Variants in RLN2 observed in about 807,000 individuals in gnomAD.
RLN2 encodes the protein relaxin 2, also known as prorelaxin H2.
A neutral mutation model predicts 7.3 loss-of-function variants in RLN2; 10 were observed. The ratio of observed to expected loss-of-function variants is 1.36; its 90% CI spans 0.84 to 2.31. RLN2 has a LOEUF of 2.31. RLN2 is among the 30% of genes most tolerant of loss of function. RLN2 has a pLI of 0.00. For synonymous variants in RLN2, 103 were observed against 82.3 expected, an observed-to-expected ratio of 1.25 and a Z score of -1.36; for missense variants, 298 against 217.6, an observed-to-expected ratio of 1.37 and a Z score of -2.32.
chr9:5,328,081 G>C, the RLN2 span, among the ~76,000 whole-genome samples: 3 of 152,030 alleles, frequency 2.0e-5, no homozygotes, highest in African/African-American at 7.2e-5. Context: ...GACAGAAGTA[G>C]GCTTCAGAAG....
At chr9:5,327,055 G>T in the RLN2 span, among the ~76,000 whole-genome samples, 3,065 of 152,106 alleles carry the variant, frequency 0.02, 154 homozygotes, top group African/African-American at 0.071. Context: ...GAACAGTGGG[G>T]GCAGCCCACA....
intron 1 of RLN2, among the ~76,000 whole-genome samples, chr9:5,302,364 G>A (rs1816165916): frequency 6.6e-6 from 1 of 152,132 alleles, no homozygotes; most frequent in South Asian, 2.1e-4. Flanking sequence ...GGGATGCAGT[G>A]AATATGATTT....
chr9:5,326,681 G>A, the RLN2 span, among the ~76,000 whole-genome samples: 1 of 152,184 alleles, frequency 6.6e-6, no homozygotes, highest in African/African-American at 2.4e-5. Flanking sequence ...GAATCAGCAT[G>A]ACAGACTATT....
At chr9:5,320,095 C>G in the RLN2 span, among the ~76,000 whole-genome samples, 1 of 151,502 alleles carries the variant, frequency 6.6e-6, no homozygotes, top group Non-Finnish European at 1.5e-5. Flanking sequence ...AAGCCATTCT[C>G]CTGCCTCAGC....
the RLN2 span, among the ~76,000 whole-genome samples, chr9:5,324,133 A>G: frequency 5.3e-5 from 8 of 152,042 alleles, no homozygotes; most frequent in Admixed American, 5.2e-4. Flanking sequence ...ATGTGCAAAA[A>G]AAATCACCAA....
At chr9:5,332,485 T>G in the RLN2 span, among the ~76,000 whole-genome samples, 1 of 152,044 alleles carries the variant, frequency 6.6e-6, no homozygotes, top group Non-Finnish European at 1.5e-5. Flanking sequence ...TTGTTGAATT[T>G]ACATCATTAT....
At chr9:5,319,605 A>C in the RLN2 span, among the ~76,000 whole-genome samples, 1 of 152,184 alleles carries the variant, frequency 6.6e-6, no homozygotes, top group South Asian at 2.1e-4. Context: ...TATGCTATAA[A>C]TATATGAAAC....
chr9:5,307,130 C>G (rs1816265243), upstream of RLN2, among the ~76,000 whole-genome samples: 1 of 151,908 alleles, frequency 6.6e-6, no homozygotes, highest in Non-Finnish European at 1.5e-5. Flanking sequence ...CTGCTGGCAA[C>G]ATTGAGGGGC....
chr9:5,311,407 A>G, the RLN2 span: 1 of 515,516 alleles, frequency 1.9e-6, no homozygotes, highest in Non-Finnish European at 3.5e-6. Flanking sequence ...CATTCTTAAT[A>G]CAAGAATACA....
the RLN2 span, among the ~76,000 whole-genome samples, chr9:5,331,153 A>C: frequency 6.6e-6 from 1 of 152,028 alleles, no homozygotes; most frequent in Non-Finnish European, 1.5e-5. Flanking sequence ...ATTCACAGCC[A>C]AATTCTACCA....
At chr9:5,318,094 A>G in the RLN2 span, among the ~76,000 whole-genome samples, 2 of 151,808 alleles carry the variant, frequency 1.3e-5, no homozygotes, top group Non-Finnish European at 2.9e-5. Flanking sequence ...CTGGTCTCAA[A>G]CTTGTGACCT....
chr9:5,317,784 C>A, the RLN2 span, among the ~76,000 whole-genome samples: 3 of 151,778 alleles, frequency 2.0e-5, no homozygotes, highest in African/African-American at 7.3e-5. Flanking sequence ...GTGAACATGT[C>A]AAAAATGCTC....
chr9:5,300,419 T>C lies in RLN2; in HGVS notation c.237A>G (p.Lys79=). The C allele has an allele frequency of 6.2e-7, 1 of 1,607,512 alleles. No individual in the cohort carries two copies. The highest frequency in any genetic ancestry group is 8.5e-7 in the Non-Finnish European group (1 of 1,177,412). Residue 79 remains lysine (K), a synonymous_variant, in exon 2 of 2, where the codon AAA becomes AAG. Transcript: ENST00000381627. The part of the protein sequence containing the change: ...VAEIVPSFIN[K]DTETINMMSE... The stretch of plus-strand genomic sequence containing the variant: ...ACATCATATTTATGGTTTCTGTATC[T>C]TTGTTGATGAAGGATGGCACAATTT...
At position 5,304,638 on chromosome 9, in the gene RLN2, C is replaced by T; in HGVS notation, c.-58G>A. On this transcript the variant is annotated 5_prime_UTR_variant, in exon 1 of 2. Coordinates refer to ENST00000381627, the MANE Select transcript of RLN2 (RefSeq NM_134441.3). ...TTGCAGCCTTTCAGGACTGCAGCTGCTGTGGCCTACACACCTGGGCCTGTG... is the reference window on the plus strand; with the variant it reads ...TTGCAGCCTTTCAGGACTGCAGCTGTTGTGGCCTACACACCTGGGCCTGTG... The T allele has an allele frequency of 1.3e-6, 2 of 1,552,392 alleles. No homozygotes were observed. The highest frequency in any genetic ancestry group is 1.8e-6 in the Non-Finnish European group (2 of 1,125,614).
upstream of RLN2, among the ~76,000 whole-genome samples, chr9:5,307,271 GGATAGATA>G (rs148888922): frequency 0.086 from 12,355 of 143,428 alleles, 706 homozygotes; most frequent in South Asian, 0.12. Flanking sequence ...GATAGATAGA[GGATAGATA>G]GATAGATAGA....
chr9:5,336,348 G>A, the RLN2 span, among the ~76,000 whole-genome samples: 1 of 151,972 alleles, frequency 6.6e-6, no homozygotes, highest in Admixed American at 6.6e-5. Context: ...TTGTTCCAAG[G>A]CTGCAGATCA....
chr9:5,335,310 G>T, the RLN2 span: 1 of 1,608,774 alleles, frequency 6.2e-7, no homozygotes, highest in Admixed American at 1.7e-5. Flanking sequence ...TTCTCAAACA[G>T]TGCCACGTAG....
chr9:5,320,933 AC>A, the RLN2 span, among the ~76,000 whole-genome samples: 1 of 151,988 alleles, frequency 6.6e-6, no homozygotes, highest in Admixed American at 6.6e-5. Context: ...TGCAACAAAG[AC>A]TGGAACAATT....
intron 1 of RLN2, 127 bp from the exon 2 acceptor site, chr9:5,300,571 T>G: frequency 1.5e-6 from 1 of 645,854 alleles, no homozygotes; most frequent in South Asian, 2.0e-5. Context: ...TGAAACAAAA[T>G]AAGCAAGCAT....
Sources: gnomAD v4.1 joint callset for allele counts (sites outside exome capture counted in the v4.1 genomes callset) on GRCh38, gnomAD v4.1.1 for gene constraint, MANE v1.5 for transcripts, NCBI Gene and HGNC (gene_info 2026-07-23, HGNC 2026-07-21) for gene names.